Variants in DAP observed in about 807,000 individuals in gnomAD.
The protein encoded by DAP is death associated protein, also known as death-associated protein 1.
DAP carries 8 observed loss-of-function variants against 13.8 expected under a neutral mutation model. The ratio of observed to expected loss-of-function variants is 0.58; its 90% CI spans 0.34 to 1.05. The LOEUF is 1.05. Among genes scored for constraint, DAP ranks in the 50% least tolerant of loss-of-function variants. The probability of loss-of-function intolerance (pLI) is 0.03; values close to 1 mark genes in which losing one functional copy is unlikely to be tolerated. For missense variants in DAP, 106 were observed against 133.2 expected (o/e 0.80, Z 1.01); for synonymous variants, 47 against 47.5 (o/e 0.99, Z 0.04).
rs1398490522 is a variant in DAP at position 10,756,389 on chromosome 5, T to C, written c.55+4625A>G. On this transcript the variant is annotated intron_variant, in intron 1 of 3. Transcript: ENST00000230895. ...GTCTTCTGTTTCTAGCAATGGATAATCTGAAAGTCTTTCTGCAGGGAGATA... is the reference window on the plus strand; with the variant it reads ...GTCTTCTGTTTCTAGCAATGGATAACCTGAAAGTCTTTCTGCAGGGAGATA... Among the ~76,000 whole-genome samples, 2 of 91,408 alleles carry C rather than the reference T, an allele frequency of 2.2e-5. 1 individual carries two copies. The highest frequency in any genetic ancestry group is 9.4e-5 in the African/African-American group (2 of 21,178). 60.0% of individuals were successfully genotyped at this position (91,408 alleles called of 152,430 possible). A position where few individuals can be genotyped will look rare whatever the true frequency, so the allele number is the denominator to read the frequency against.
chr5:10,727,361 C>T (rs1035947452), intron 2 of DAP, among the ~76,000 whole-genome samples: 1 of 152,178 alleles, frequency 6.6e-6, no homozygotes, highest in Non-Finnish European at 1.5e-5. Flanking sequence ...GGTCAGCACA[C>T]CCTGATGAAG....
intron 2 of DAP, among the ~76,000 whole-genome samples, chr5:10,704,189 T>C (rs1738646247): frequency 6.6e-6 from 1 of 152,208 alleles, no homozygotes; most frequent in Non-Finnish European, 1.5e-5. Flanking sequence ...GGCAATATGT[T>C]ATAAAAATCA....
intron 1 of DAP, among the ~76,000 whole-genome samples, chr5:10,760,755 G>A (rs1451030152): frequency 6.6e-6 from 1 of 152,172 alleles, no homozygotes; most frequent in Admixed American, 6.5e-5. Flanking sequence ...GCGCGCAATC[G>A]CACAGGTACG....
Position 10,680,808 on chromosome 5 carries a change from T to G in DAP, c.*248A>C. On this transcript the variant is annotated 3_prime_UTR_variant, in exon 4 of 4. Coordinates refer to ENST00000230895, the MANE Select transcript of DAP (RefSeq NM_004394.3). ...ATTTTTCTCGGATCTTGGCAAATTCTGCTAATGGCACCTCTAGGGGCACAA... is the reference window on the plus strand; with the variant it reads ...ATTTTTCTCGGATCTTGGCAAATTCGGCTAATGGCACCTCTAGGGGCACAA... 2.0e-6 allele frequency: 3 copies of G among 1,536,844 alleles called. No homozygotes were observed. The highest frequency in any genetic ancestry group is 2.6e-6 in the Non-Finnish European group (3 of 1,147,042).
chr5:10,739,787 TCA>T (rs35309839), intron 2 of DAP, among the ~76,000 whole-genome samples: 68,613 of 148,340 alleles, frequency 0.46, 16,450 homozygotes, highest in Non-Finnish European at 0.54. Context: ...CTAAATTAAC[TCA>T]CACACACACA....
Position 10,683,514 on chromosome 5 carries a change from C to T in DAP, c.195+15G>A, listed in dbSNP as rs779562742. The stretch of plus-strand genomic sequence containing the variant: ...GCAAAAGCCTCAAACCCACCGCAGA[C>T]ACTCCCAGACTTACCCGGGCGATGA... On this transcript the variant is annotated intron_variant, in intron 3 of 3. Coordinates refer to ENST00000230895, the MANE Select transcript of DAP (RefSeq NM_004394.3). The T allele has an allele frequency of 1.4e-5, 23 of 1,613,754 alleles. No homozygotes were observed. In the Middle Eastern group the frequency reaches 4.9e-4, roughly 35 times the overall value.
Position 10,742,954 on chromosome 5 carries a change from T to TCC in DAP, c.152+5220_152+5221insGG, listed in dbSNP as rs59935322. Reference sequence around the variant, plus strand: ...CCATCCATCCATCCATCCATCCATCTATCCATTCAGAACCATATGTTCATA... The same window carrying TCC: ...CCATCCATCCATCCATCCATCCATCTCCATCCATTCAGAACCATATGTTCATA... On this transcript the variant is annotated intron_variant, in intron 2 of 3. Coordinates refer to ENST00000230895, the MANE Select transcript of DAP (RefSeq NM_004394.3). Among the ~76,000 whole-genome samples the TCC allele has an allele frequency of 3.5e-3, 514 of 147,390 alleles. 4 individuals carry two copies. Among genetic ancestry groups the TCC allele is most frequent in the African/African-American group, 0.013 (478 of 37,162 alleles).
chr5:10,748,321 G>T, intron 1 of DAP, 50 bp from the exon 2 acceptor site: 2 of 1,485,572 alleles, frequency 1.3e-6, no homozygotes, highest in Non-Finnish European at 1.9e-6. Context: ...GGGGCTGCCT[G>T]TGGATCAGGG....
At chr5:10,712,652 T>C (rs571404196) in intron 2 of DAP, among the ~76,000 whole-genome samples, 39 of 152,148 alleles carry the variant, frequency 2.6e-4, no homozygotes, top group African/African-American at 9.2e-4. Context: ...AATGACCGGT[T>C]ACAAAGGGCA....
At chr5:10,725,022 G>A (rs577450034) in intron 2 of DAP, among the ~76,000 whole-genome samples, 2 of 152,238 alleles carry the variant, frequency 1.3e-5, no homozygotes, top group Non-Finnish European at 1.5e-5. Flanking sequence ...GCTTGGCCTC[G>A]CTAAGGCTGG....
intron 3 of DAP, among the ~76,000 whole-genome samples, chr5:10,681,978 A>G (rs543249356): frequency 1.0e-4 from 15 of 150,648 alleles, no homozygotes; most frequent in African/African-American, 3.4e-4. Flanking sequence ...TGTAGGAAGC[A>G]TGGGGTTTGT....
At chr5:10,687,032 T>G (rs1738173550) in intron 2 of DAP, among the ~76,000 whole-genome samples, 2 of 152,152 alleles carry the variant, frequency 1.3e-5, no homozygotes, top group Admixed American at 1.3e-4. Context: ...CCCTTACGAA[T>G]TACATAAAAT....
rs3836779 is a variant in DAP, at chr5:10,694,387, T to TACAC, written c.153-10820_153-10817dup. Among the ~76,000 whole-genome samples, 1,472 of 149,252 alleles carry TACAC rather than the reference T, an allele frequency of 9.9e-3. 11 individuals are homozygous for TACAC. Among genetic ancestry groups the TACAC allele is most frequent in the African/African-American group, 0.02 (814 of 40,716 alleles). On this transcript the variant is annotated intron_variant, in intron 2 of 3. Coordinates refer to ENST00000230895, the MANE Select transcript of DAP (RefSeq NM_004394.3). ...TCTTAGGTGACTCTATATATGTGCA[T>TACAC]ACACACACACACACACACACACGCA...
At chr5:10,732,889 C>G (rs1227964005) in intron 2 of DAP, among the ~76,000 whole-genome samples, 1 of 152,176 alleles carries the variant, frequency 6.6e-6, no homozygotes, top group Non-Finnish European at 1.5e-5. Flanking sequence ...TGTTGAGAAA[C>G]AGATCTCCAG....
chr5:10,741,490 G>C (rs1437881634), intron 2 of DAP, among the ~76,000 whole-genome samples: 1 of 152,188 alleles, frequency 6.6e-6, no homozygotes, highest in Non-Finnish European at 1.5e-5. Flanking sequence ...ATTTTTTATA[G>C]TATTGGTAGA....
chr5:10,718,287 C>G (rs1739047176), intron 2 of DAP, among the ~76,000 whole-genome samples: 1 of 152,180 alleles, frequency 6.6e-6, no homozygotes, highest in South Asian at 2.1e-4. Context: ...ATCTGACTTA[C>G]AGTGGGTCCA....
intron 2 of DAP, chr5:10,734,164 A>C (rs1272999593): frequency 6.6e-6 from 1 of 152,238 alleles, no homozygotes; most frequent in Non-Finnish European, 1.5e-5. Context: ...AGAGCCTGGA[A>C]GGGAGAACTG....
intron 2 of DAP, among the ~76,000 whole-genome samples, chr5:10,690,612 A>C (rs5745272): frequency 0.17 from 26,414 of 152,124 alleles, 2,539 homozygotes; most frequent in East Asian, 0.29. Context: ...AGGTTCATTT[A>C]TGTTGCAGAA....
At chr5:10,708,959 T>C (rs997213808) in intron 2 of DAP, among the ~76,000 whole-genome samples, 2 of 152,214 alleles carry the variant, frequency 1.3e-5, no homozygotes, top group African/African-American at 2.4e-5. Flanking sequence ...ATAAACAAGA[T>C]AGTAGAAAGA....
Sources: allele counts gnomAD v4.1 joint callset (sites outside exome capture counted in the v4.1 genomes callset), GRCh38; gene constraint gnomAD v4.1.1; transcripts MANE v1.5; gene names NCBI Gene and HGNC (gene_info 2026-07-23, HGNC 2026-07-21).